LRP2: variants seen among roughly 807,000 people sequenced by gnomAD.
The protein encoded by LRP2 is low-density lipoprotein receptor-related protein 2.
LRP2 carries 172 observed loss-of-function variants against 531.0 expected under a neutral mutation model. That is an observed-to-expected ratio of 0.32 (90% CI 0.29 to 0.37). LRP2 has a LOEUF of 0.37. Ranked by LOEUF, LRP2 falls within the 10% of genes least tolerant of loss-of-function variation. LRP2 has a pLI of 1.00. For missense variants in LRP2, 5,167 were observed against 5,868.3 expected (o/e 0.88, Z 3.90); for synonymous variants, 1,992 against 2,027.6 (o/e 0.98, Z 0.47).
At chr2:169,247,199 G>T (rs1015853455) in intron 20 of LRP2, among the ~76,000 whole-genome samples, 179 bp downstream of exon 20, 2 of 152,108 alleles carry the variant, frequency 1.3e-5, no homozygotes, top group Admixed American at 6.6e-5. Context: ...CATGTTTAAG[G>T]CTAGCAGCAT....
At chr2:169,268,811 T>C (rs554742160) in intron 16 of LRP2, among the ~76,000 whole-genome samples, 3 of 152,284 alleles carry the variant, frequency 2.0e-5, no homozygotes, top group Admixed American at 1.3e-4. Context: ...GGAAGTCAAA[T>C]TGTCCCTGTT....
intron 27 of LRP2, among the ~76,000 whole-genome samples, chr2:169,237,494 AT>A (rs914827751): frequency 1.3e-5 from 2 of 152,234 alleles, no homozygotes; most frequent in Non-Finnish European, 2.9e-5. Context: ...CACACTGAAC[AT>A]TCTAAGATGA....
At chr2:169,275,875 T>C (rs1366277629) in intron 13 of LRP2, among the ~76,000 whole-genome samples, 3 of 151,888 alleles carry the variant, frequency 2.0e-5, no homozygotes, top group Admixed American at 1.3e-4. Flanking sequence ...GAAGTAAAAT[T>C]AGGCACTAAG....
At chr2:169,186,330 G>A (rs150429040) in intron 49 of LRP2, among the ~76,000 whole-genome samples, 189 of 152,322 alleles carry the variant, frequency 1.2e-3, no homozygotes, top group African/African-American at 4.5e-3. Context: ...GCTCTGATTT[G>A]TAGCATGTTC....
At chr2:169,352,204 G>A (rs1685869131) in intron 1 of LRP2, among the ~76,000 whole-genome samples, 2 of 152,148 alleles carry the variant, frequency 1.3e-5, no homozygotes, top group Admixed American at 1.3e-4. Flanking sequence ...TCTTAGGAGG[G>A]TCTGGGGGGA....
At chr2:169,254,973 A>T (rs1000236081) in intron 19 of LRP2, among the ~76,000 whole-genome samples, 24 of 152,120 alleles carry the variant, frequency 1.6e-4, no homozygotes, top group African/African-American at 5.8e-4. Flanking sequence ...TAAATACCAC[A>T]CACTCCTCCA....
chr2:169,258,919 T>A, intron 17 of LRP2, 106 bp downstream of exon 17: 1 of 1,012,146 alleles, frequency 9.9e-7, no homozygotes, highest in Non-Finnish European at 1.6e-6. Context: ...CTTATACAGT[T>A]CAATCTTATA....
chr2:169,352,902 T>G (rs1685891381), intron 1 of LRP2, among the ~76,000 whole-genome samples: 1 of 151,940 alleles, frequency 6.6e-6, no homozygotes, highest in East Asian at 1.9e-4. Context: ...GGGAGAGCAT[T>G]AGGACAAATA....
intron 1 of LRP2, among the ~76,000 whole-genome samples, chr2:169,345,861 A>AAC: frequency 6.6e-6 from 1 of 152,104 alleles, no homozygotes; most frequent in South Asian, 2.1e-4. Context: ...TCTCTCCAAA[A>AAC]ACAAAACAAA....
intron 3 of LRP2, among the ~76,000 whole-genome samples, chr2:169,315,063 G>A (rs1189438674): frequency 6.6e-6 from 1 of 152,056 alleles, no homozygotes; most frequent in Non-Finnish European, 1.5e-5. Flanking sequence ...GTTTTCAAAG[G>A]GCTTACGAAG....
At chr2:169,241,858 G>A (rs1689818914) in intron 24 of LRP2, among the ~76,000 whole-genome samples, 1 of 152,154 alleles carries the variant, frequency 6.6e-6, no homozygotes, top group Non-Finnish European at 1.5e-5. Flanking sequence ...AAAGATGATG[G>A]TAAATACTCA....
intron 16 of LRP2, among the ~76,000 whole-genome samples, chr2:169,262,753 C>T (rs36150989): frequency 0.22 from 32,273 of 147,886 alleles, 3,707 homozygotes; most frequent in South Asian, 0.29. Context: ...TACTTTAAAG[C>T]TCATATGGAA....
intron 13 of LRP2, 100 bp from the exon 14 acceptor site, chr2:169,275,338 A>G (rs1325230669): frequency 1.1e-6 from 1 of 873,396 alleles, no homozygotes; most frequent in African/African-American, 1.7e-5. Flanking sequence ...AAGCTAAATA[A>G]TTTCTTGTCA....
At chr2:169,320,338 G>A (rs1684875489) in intron 2 of LRP2, among the ~76,000 whole-genome samples, 1 of 152,112 alleles carries the variant, frequency 6.6e-6, no homozygotes, top group African/African-American at 2.4e-5. Flanking sequence ...TATGGTAATT[G>A]ACACAAGTTA....
At position 169,294,692 on chromosome 2, in the gene LRP2, T is replaced by A; in HGVS notation, c.446A>T (p.Gln149Leu). Residue 149 changes from glutamine to leucine, a missense_variant, in exon 5 of 79, where the codon CAG becomes CTG. This residue lies in a region of LRP2 where 2,811 missense variants were observed against 3,058.0 expected (regional missense o/e 0.92). Transcript: ENST00000649046. ...ENDCQYPTCE[Q>L]LTCDNGACYN... ...GCAGGCCCCATTGTCACAAGTAAGC[T>A]GCTCACATGTTGGGTACTCTATTGT... 6.8e-7 allele frequency: 1 copy of A among 1,461,090 alleles called. No individual in the cohort carries two copies. The highest frequency in any genetic ancestry group is 9.5e-7 in the Non-Finnish European group (1 of 1,058,168). The allele number at this position is 1,461,090 out of a possible 1,614,324, so 90.5% of individuals were successfully genotyped here.
rs1574205586 is a variant in LRP2, at chr2:169,270,961, T to C, written c.2263A>G (p.Ile755Val). Reference sequence around the variant, plus strand: ...TGTTTTGACATATCTGAAAAAAAGATAGTGCTGTCCTGGGCGTCAAAATCA... The same window carrying C: ...TGTTTTGACATATCTGAAAAAAAGACAGTGCTGTCCTGGGCGTCAAAATCA... ...GIDFDAQDST[I>V]FFSDMSKHMI... Residue 755 changes from isoleucine (I) to valine (V), a missense_variant, in exon 16 of 79, where the codon ATC (isoleucine) becomes GTC (valine). Ile to Val is a conservative substitution (Grantham distance 29, BLOSUM62 3). Coordinates refer to ENST00000649046, the MANE Select transcript of LRP2 (RefSeq NM_004525.3). 3 of 1,613,218 alleles carry C rather than the reference T, an allele frequency of 1.9e-6. No homozygotes were observed. Among genetic ancestry groups the C allele is most frequent in the Admixed American group, 1.7e-5 (1 of 59,850 alleles).
rs529630782 is a variant in LRP2, at chr2:169,212,773, G to A, written c.6041-566C>T. On this transcript the variant is annotated intron_variant, in intron 36 of 78. Coordinates refer to ENST00000649046, the MANE Select transcript of LRP2 (RefSeq NM_004525.3). ...AATGGACTTTGGGGACTTGGGGGAA[G>A]GGTGGGAGGGGGGCGAGGGATAAAA... Among the ~76,000 whole-genome samples the A allele has an allele frequency of 1.6e-4, 24 of 151,826 alleles. No individual in the cohort carries two copies. The East Asian group carries it at 2.1e-3, about 14-fold the overall frequency.
At position 169,206,759 on chromosome 2, in the gene LRP2, T is replaced by A; in HGVS notation, c.6961A>T (p.Asn2321Tyr). 3 of 1,614,144 alleles carry A rather than the reference T, an allele frequency of 1.9e-6. No individual in the cohort carries two copies. Among genetic ancestry groups the A allele is most frequent in the Non-Finnish European group, 2.5e-6 (3 of 1,180,000 alleles). ...EPPTVIRDNI[N>Y]WLRDVTIFDK... ...AAGATGGTCACATCTCTTAGCCAGT[T>A]GATATTGTCTCTTATCACTGTGGGT... The change falls in exon 39 of 79, where the codon AAC (asparagine) becomes TAC (tyrosine). Residue 2321 changes from asparagine (N) to tyrosine (Y), a missense_variant. Asn to Tyr is a moderately radical substitution (Grantham distance 143). Transcript: ENST00000649046.
chr2:169,205,020 T>A (rs1328457212), intron 41 of LRP2, among the ~76,000 whole-genome samples: 1 of 149,016 alleles, frequency 6.7e-6, no homozygotes, highest in Non-Finnish European at 1.5e-5. Flanking sequence ...AGTCAAAGAC[T>A]GAAGAAAAGA....
Sources: allele counts gnomAD v4.1 joint callset (sites outside exome capture counted in the v4.1 genomes callset), GRCh38; gene constraint gnomAD v4.1.1; regional missense constraint gnomAD v4.1.1; transcripts MANE v1.5; gene names NCBI Gene and HGNC (gene_info 2026-07-23, HGNC 2026-07-21).